Variants in EPB41L2 observed in about 807,000 individuals in gnomAD.
EPB41L2 encodes band 4.1-like protein 2.
In EPB41L2, 43 loss-of-function variants were observed where a neutral mutation model predicts 113.0. The ratio of observed to expected loss-of-function variants is 0.38; its 90% CI spans 0.30 to 0.49. The LOEUF (loss-of-function observed/expected upper bound fraction) is 0.49. EPB41L2 is among the 20% of genes least tolerant of loss of function. The pLI is 0.95. For synonymous variants in EPB41L2, 442 were observed against 436.7 expected, an observed-to-expected ratio of 1.01 and a Z score of -0.15; for missense variants, 1,147 against 1,223.4, an observed-to-expected ratio of 0.94 and a Z score of 0.93.
intron 1 of EPB41L2, among the ~76,000 whole-genome samples, chr6:130,959,534 G>A (rs575692579): frequency 2.2e-4 from 33 of 152,270 alleles, no homozygotes; most frequent in East Asian, 9.6e-4. Context: ...GCAATGCTAC[G>A]TAAGAGGGAA....
At chr6:130,973,958 G>A (rs1194916412) in intron 1 of EPB41L2, among the ~76,000 whole-genome samples, 1 of 152,114 alleles carries the variant, frequency 6.6e-6, no homozygotes, top group African/African-American at 2.4e-5. Flanking sequence ...TAGCAGCACT[G>A]GGCCCTATGA....
Position 131,031,513 on chromosome 6 carries a change from CTAA to C in EPB41L2, c.-15+31639_-15+31641del, listed in dbSNP as rs1180599229. ...TTATCTTATTTAACTGGAAATTTTACTAATAATAAATTAAATCCAACTCCTAGC... is the reference window on the plus strand; with the variant it reads ...TTATCTTATTTAACTGGAAATTTTACTAATAAATTAAATCCAACTCCTAGC... On this transcript the variant is annotated intron_variant, in intron 1 of 19. Transcript: ENST00000337057. 1.3e-5 allele frequency among the ~76,000 whole-genome samples: 2 copies of C among 152,042 alleles called. 1 individual carries two copies. The highest frequency in any genetic ancestry group is 1.3e-4 in the Admixed American group (2 of 15,266).
intron 12 of EPB41L2, chr6:130,880,992 A>C (rs1789130943): frequency 6.5e-6 from 1 of 152,742 alleles, no homozygotes; most frequent in Non-Finnish European, 1.5e-5. Context: ...TTCATATTAA[A>C]ATGGTGGGTA....
intron 1 of EPB41L2, among the ~76,000 whole-genome samples, chr6:131,011,061 T>G (rs1434997706): frequency 6.6e-6 from 1 of 152,220 alleles, no homozygotes; most frequent in African/African-American, 2.4e-5. Context: ...GTTTGCTTCT[T>G]TTTCTCCTCT....
intron 1 of EPB41L2, among the ~76,000 whole-genome samples, chr6:131,044,404 C>T (rs906396193): frequency 6.6e-6 from 1 of 152,188 alleles, no homozygotes; most frequent in Admixed American, 6.5e-5. Context: ...AGTTAGCATA[C>T]AAAATTCTTA....
At chr6:130,876,416 G>A (rs139063377) in intron 14 of EPB41L2, among the ~76,000 whole-genome samples, 24 of 152,260 alleles carry the variant, frequency 1.6e-4, no homozygotes, top group African/African-American at 5.1e-4. Context: ...CATCAAATTA[G>A]GAATCAGTTA....
intron 11 of EPB41L2, among the ~76,000 whole-genome samples, chr6:130,885,542 C>G (rs1790674916): frequency 6.6e-6 from 1 of 152,158 alleles, no homozygotes; most frequent in Admixed American, 6.5e-5. Context: ...TGGAACTGGC[C>G]AGTAGGAGGA....
chr6:131,020,865 C>T (rs753079863), intron 1 of EPB41L2, among the ~76,000 whole-genome samples: 1 of 152,188 alleles, frequency 6.6e-6, no homozygotes, highest in Non-Finnish European at 1.5e-5. Flanking sequence ...TTATAGCTTA[C>T]TAAAGCCTTG....
chr6:130,980,058 C>T (rs1779038925), intron 1 of EPB41L2, among the ~76,000 whole-genome samples: 1 of 152,096 alleles, frequency 6.6e-6, no homozygotes, highest in Non-Finnish European at 1.5e-5. Context: ...AAGAGTCTAA[C>T]GGGGAGGCAT....
At chr6:130,877,807 G>A (rs968809174) in intron 14 of EPB41L2, among the ~76,000 whole-genome samples, 3 of 147,488 alleles carry the variant, frequency 2.0e-5, no homozygotes, top group African/African-American at 7.5e-5. Flanking sequence ...AATACAGTAT[G>A]TTAGTTTCTA....
In EPB41L2 at chr6:130,880,010, C is replaced by T. The variant is rs543242171; in HGVS notation, c.1896+134G>A. On this transcript the variant is annotated intron_variant, in intron 13 of 19. Coordinates refer to ENST00000337057, the MANE Select transcript of EPB41L2 (RefSeq NM_001431.4). ...AACACCGTCAGGCTGGTAACATGCA[C>T]TCCCGAGCTGAATTCCCCCATGCAC... 1.8e-4 allele frequency: 112 copies of T among 635,782 alleles called. No individual in the cohort carries two copies. The South Asian group carries it at 2.2e-3, about 13-fold the overall frequency. 39.4% of individuals were successfully genotyped at this position (635,782 alleles called of 1,614,324 possible). A position where few individuals can be genotyped will look rare whatever the true frequency, so the allele number is the denominator to read the frequency against.
At chr6:130,965,890 T>C (rs985051072) in intron 1 of EPB41L2, among the ~76,000 whole-genome samples, 3 of 152,188 alleles carry the variant, frequency 2.0e-5, no homozygotes, top group African/African-American at 4.8e-5. Context: ...AAATTCCAAA[T>C]GTGTCCACAC....
chr6:130,934,999 ACTT>A (rs1171042054), intron 3 of EPB41L2, among the ~76,000 whole-genome samples: 1 of 152,026 alleles, frequency 6.6e-6, no homozygotes. Flanking sequence ...AGAAAGGAAA[ACTT>A]CTCACAGTTC....
At chr6:130,946,015 C>A (rs1210996534) in intron 3 of EPB41L2, among the ~76,000 whole-genome samples, 4 of 152,084 alleles carry the variant, frequency 2.6e-5, no homozygotes, top group African/African-American at 9.7e-5. Context: ...TTAAATATCT[C>A]AATGAGATAA....
intron 4 of EPB41L2, among the ~76,000 whole-genome samples, chr6:130,925,796 TA>T (rs1804549761): frequency 6.6e-6 from 1 of 152,208 alleles, no homozygotes; most frequent in African/African-American, 2.4e-5. Context: ...AACAGTACTC[TA>T]AACAGAGTTC....
intron 7 of EPB41L2, among the ~76,000 whole-genome samples, 174 bp from the exon 8 acceptor site, chr6:130,899,752 T>C (rs1795776364): frequency 6.6e-6 from 1 of 151,794 alleles, no homozygotes; most frequent in South Asian, 2.1e-4. Context: ...ATTTTTCCCT[T>C]AAGATCCTAT....
intron 1 of EPB41L2, among the ~76,000 whole-genome samples, chr6:131,003,996 T>C (rs61039317): frequency 0.016 from 2,494 of 151,662 alleles, 77 homozygotes; most frequent in African/African-American, 0.057. Context: ...TTACAACTTA[T>C]CAGCTTTAAA....
intron 3 of EPB41L2, among the ~76,000 whole-genome samples, chr6:130,943,688 G>T (rs1811679603): frequency 6.6e-6 from 1 of 152,206 alleles, no homozygotes; most frequent in South Asian, 2.1e-4. Context: ...CAAATGTGGA[G>T]AAGACAGAGA....
chr6:130,950,453 C>A (rs942224999), intron 3 of EPB41L2, among the ~76,000 whole-genome samples: 1 of 152,038 alleles, frequency 6.6e-6, no homozygotes, highest in Admixed American at 6.5e-5. Flanking sequence ...AATGGACAAT[C>A]TCTACCAAAA....
Sources: allele counts gnomAD v4.1 joint callset (sites outside exome capture counted in the v4.1 genomes callset), GRCh38; gene constraint gnomAD v4.1.1; transcripts MANE v1.5; gene names NCBI Gene and HGNC (gene_info 2026-07-23, HGNC 2026-07-21).